The following CAST variants were observed in gnomAD, a reference collection of about 807,000 sequenced individuals.
CAST encodes the protein calpastatin.
CAST carries 76 observed loss-of-function variants against 119.6 expected under a neutral mutation model. The observed-to-expected ratio is 0.64, with a 90% confidence interval of 0.53 to 0.77. CAST has a LOEUF of 0.77. CAST is among the 30% of genes least tolerant of loss of function. The probability of loss-of-function intolerance (pLI) is 0.00; values close to 1 mark genes in which losing one functional copy is unlikely to be tolerated. For missense variants in CAST, 953 were observed against 946.5 expected (o/e 1.01, Z -0.09); for synonymous variants, 319 against 331.6 (o/e 0.96, Z 0.41).
the CAST span, among the ~76,000 whole-genome samples, chr5:96,139,096 C>T: frequency 6.6e-6 from 1 of 151,896 alleles, no homozygotes; most frequent in Non-Finnish European, 1.5e-5. Context: ...AGGAAGTTCT[C>T]CTCTATTCCT....
At chr5:96,727,174 A>G (rs886765168) in intron 5 of CAST, among the ~76,000 whole-genome samples, 1 of 152,128 alleles carries the variant, frequency 6.6e-6, no homozygotes, top group Non-Finnish European at 1.5e-5. Context: ...GAAGGTTTTT[A>G]TTTTCTGTTG....
At chr5:96,768,622 C>T (rs1561627145) in intron 29 of CAST, among the ~76,000 whole-genome samples, 1 of 152,200 alleles carries the variant, frequency 6.6e-6, no homozygotes, top group Non-Finnish European at 1.5e-5. Context: ...TTTATCTCCA[C>T]ACTATATGGT....
intron 1 of CAST, among the ~76,000 whole-genome samples, chr5:96,532,236 G>C (rs1303985808): frequency 6.6e-6 from 1 of 152,144 alleles, no homozygotes; most frequent in Admixed American, 6.6e-5. Flanking sequence ...CAACTGGGAG[G>C]CCTGACTGCA....
At chr5:96,370,282 C>CCAGG in the CAST span, among the ~76,000 whole-genome samples, 1 of 151,944 alleles carries the variant, frequency 6.6e-6, no homozygotes, top group Admixed American at 6.5e-5. Flanking sequence ...TTTGTATGTA[C>CCAGG]CAGGCACTGT....
the CAST span, among the ~76,000 whole-genome samples, chr5:96,269,236 T>A: frequency 6.6e-6 from 1 of 152,160 alleles, no homozygotes; most frequent in Non-Finnish European, 1.5e-5. Flanking sequence ...TTATATAACG[T>A]GAAAGGGGAC....
chr5:96,585,259 C>T (rs1304515962), intron 1 of CAST, among the ~76,000 whole-genome samples: 4 of 152,110 alleles, frequency 2.6e-5, no homozygotes, highest in Non-Finnish European at 5.9e-5. Flanking sequence ...CCACTCACAA[C>T]GCTCCAGACT....
At chr5:96,032,302 T>C in the CAST span, among the ~76,000 whole-genome samples, 141 of 152,294 alleles carry the variant, frequency 9.3e-4, no homozygotes, top group Admixed American at 3.9e-3. Context: ...ATTTGAGTTC[T>C]TGAATGCTTC....
the CAST span, among the ~76,000 whole-genome samples, chr5:96,174,283 T>G: frequency 2.0e-5 from 3 of 152,198 alleles, no homozygotes; most frequent in Non-Finnish European, 4.4e-5. Flanking sequence ...CCAGTTCTGA[T>G]TCTTCTTGGG....
At chr5:96,285,513 G>T in the CAST span, among the ~76,000 whole-genome samples, 49,351 of 151,950 alleles carry the variant, frequency 0.32, 8,352 homozygotes, top group Admixed American at 0.41. Flanking sequence ...TAGCCTTCTT[G>T]AAAAGGCCCT....
At chr5:96,322,666 G>A in the CAST span, among the ~76,000 whole-genome samples, 1 of 152,084 alleles carries the variant, frequency 6.6e-6, no homozygotes, top group African/African-American at 2.4e-5. Flanking sequence ...GAGAACAAGG[G>A]GACAGGGGCA....
intron 1 of CAST, among the ~76,000 whole-genome samples, chr5:96,626,627 C>T (rs930839076): frequency 6.6e-6 from 1 of 152,214 alleles, no homozygotes; most frequent in Non-Finnish European, 1.5e-5. Context: ...GATCCAACAT[C>T]CCTGCCAGGG....
the CAST span, among the ~76,000 whole-genome samples, chr5:96,486,260 C>T: frequency 6.6e-6 from 1 of 152,062 alleles, no homozygotes; most frequent in Non-Finnish European, 1.5e-5. Context: ...ACGTACAGCC[C>T]CAGAAGCATG....
chr5:96,562,564 AATT>A (rs1459103505), intron 1 of CAST, among the ~76,000 whole-genome samples: 5 of 152,172 alleles, frequency 3.3e-5, no homozygotes, highest in Non-Finnish European at 5.9e-5. Context: ...AATCATAAGC[AATT>A]ATTCTGCAAA....
chr5:95,976,920 C>T, the CAST span, among the ~76,000 whole-genome samples: 1 of 152,048 alleles, frequency 6.6e-6, no homozygotes, highest in Admixed American at 6.6e-5. Flanking sequence ...CAATTCTGAC[C>T]CCTGCCCTAT....
At chr5:96,366,380 G>A in the CAST span, among the ~76,000 whole-genome samples, 1 of 152,316 alleles carries the variant, frequency 6.6e-6, no homozygotes, top group East Asian at 1.9e-4. Context: ...GGCCTGCCTT[G>A]CTAGGTTGGG....
chr5:96,657,750 A>G (rs1417555640), upstream of CAST, among the ~76,000 whole-genome samples: 2 of 152,210 alleles, frequency 1.3e-5, no homozygotes, highest in African/African-American at 4.8e-5. Context: ...GGAAAGTGGC[A>G]AGATTTCAAA....
At chr5:96,383,515 C>T in the CAST span, among the ~76,000 whole-genome samples, 7 of 152,112 alleles carry the variant, frequency 4.6e-5, no homozygotes, top group South Asian at 4.1e-4. Context: ...GGCACAATTT[C>T]GGCTCCCTGC....
chr5:96,376,047 G>T, the CAST span, among the ~76,000 whole-genome samples: 1 of 150,720 alleles, frequency 6.6e-6, no homozygotes, highest in Admixed American at 6.6e-5. Flanking sequence ...TAATATCATG[G>T]TATCTTTACT....
the CAST span, among the ~76,000 whole-genome samples, chr5:96,366,643 G>A: frequency 3.3e-5 from 5 of 152,196 alleles, no homozygotes; most frequent in Admixed American, 1.3e-4. Flanking sequence ...TTGTGCATTT[G>A]TCATGTAGTT....
Sources: allele counts gnomAD v4.1 joint callset (sites outside exome capture counted in the v4.1 genomes callset), GRCh38; gene constraint gnomAD v4.1.1; transcripts MANE v1.5; gene names NCBI Gene and HGNC (gene_info 2026-07-23, HGNC 2026-07-21).